PCNX1: variants seen among roughly 807,000 people sequenced by gnomAD.
PCNX1 encodes pecanex-like protein 1.
In PCNX1, 78 loss-of-function variants were observed where a neutral mutation model predicts 242.2. That is an observed-to-expected ratio of 0.32 (90% confidence interval 0.27 to 0.39). The LOEUF (loss-of-function observed/expected upper bound fraction) is 0.39, where lower values mean the gene tolerates loss of function less well. PCNX1 is among the 10% of genes least tolerant of loss of function. The pLI, the probability that PCNX1 is intolerant of heterozygous loss-of-function variation, is 1.00. For synonymous variants in PCNX1, 1,024 were observed against 1,032.9 expected (o/e 0.99, Z 0.17); for missense variants, 2,581 against 2,856.5 (o/e 0.90, Z 2.20).
intron 10 of PCNX1, chr14:71,012,339 C>T (rs895186597): frequency 1.3e-5 from 2 of 154,620 alleles, no homozygotes; most frequent in Admixed American, 6.3e-5. Flanking sequence ...TAACGATTCA[C>T]AGTAAGTGGT....
In PCNX1 at chr14:71,114,726, G is replaced by A. The variant is rs192890688; in HGVS notation, c.*4791G>A. On this transcript the variant is annotated 3_prime_UTR_variant, in exon 36 of 36. Transcript: ENST00000304743. ...TCTGTACCTGACAATTTATGATTCA[G>A]TGGAGCCAAGCTAGAAGGAACAAAG... 1 of 152,432 alleles carries A rather than the reference G, an allele frequency of 6.6e-6. No individual in the cohort carries two copies. Among genetic ancestry groups the A allele is most frequent in the East Asian group, 1.9e-4 (1 of 5,174 alleles). The allele number at this position is 152,432 out of a possible 1,614,324, so 9.4% of individuals were successfully genotyped here. A position where few individuals can be genotyped will look rare whatever the true frequency, so the allele number is the denominator to read the frequency against.
intron 6 of PCNX1, among the ~76,000 whole-genome samples, chr14:70,984,130 C>T (rs560499802): frequency 6.6e-6 from 1 of 151,324 alleles, no homozygotes; most frequent in East Asian, 1.9e-4. Flanking sequence ...AATTTAATTT[C>T]CTAATAGCAT....
At position 71,045,221 on chromosome 14, in the gene PCNX1, C is replaced by T; in HGVS notation, c.3956C>T (p.Pro1319Leu). 2 of 1,612,306 alleles carry T rather than the reference C, an allele frequency of 1.2e-6. No individual in the cohort carries two copies. The highest frequency in any genetic ancestry group is 1.7e-6 in the Non-Finnish European group (2 of 1,178,446). Residue 1319 changes from proline to leucine, a missense_variant, in exon 20 of 36, where the codon CCA becomes CTA. Physicochemically the swap from Pro to Leu is moderately conservative, Grantham distance 98. Around this residue, in one of 9 missense-constraint regions of PCNX1, gnomAD observed 432 missense variants for 443.1 expected, o/e 0.97. Coordinates refer to ENST00000304743, the MANE Select transcript of PCNX1 (RefSeq NM_014982.3). The part of the protein sequence containing the change: ...YVLPQVRKQL[P>L]WHCFSHPLLK... ...CTGCCTCAAGTTAGAAAACAGCTAC[C>T]ATGGCACTGTTTCTCTCATCCTCTG...
chr14:70,973,756 G>A (rs1245739923), intron 5 of PCNX1, among the ~76,000 whole-genome samples: 1 of 152,122 alleles, frequency 6.6e-6, no homozygotes, highest in Admixed American at 6.5e-5. Context: ...GTTTATAAAA[G>A]TAACATATAT....
Position 71,019,041 on chromosome 14 carries a change from T to A in PCNX1, c.3029T>A (p.Val1010Asp). 1 of 1,613,116 alleles carries A rather than the reference T, an allele frequency of 6.2e-7. No individual in the cohort carries two copies. Among genetic ancestry groups the A allele is most frequent in the Non-Finnish European group, 8.5e-7 (1 of 1,179,490 alleles). The part of the protein sequence containing the change: ...NREILENVLA[V>D]ILAILVAFLG... Reference sequence around the variant, plus strand: ...GAGATCCTGGAAAATGTGTTAGCTGTCATCCTGGCTATTCTCGTGGCCTTT... The same window carrying A: ...GAGATCCTGGAAAATGTGTTAGCTGACATCCTGGCTATTCTCGTGGCCTTT... The change falls in exon 12 of 36, where the codon GTC becomes GAC. Residue 1010 changes from valine (V) to aspartate (D), a missense_variant. Physicochemically the swap from Val to Asp is radical, Grantham distance 152. Transcript: ENST00000304743.
rs1395427078 is a variant in PCNX1, at chr14:70,907,651, C to A, written c.-200C>A. The A allele has an allele frequency of 1.2e-5, 6 of 483,256 alleles. No homozygotes were observed. The highest frequency in any genetic ancestry group is 1.5e-5 in the Non-Finnish European group (5 of 335,972). The allele number at this position is 483,256 out of a possible 1,614,324, so 29.9% of individuals were successfully genotyped here. A position where few individuals can be genotyped will look rare whatever the true frequency, so the allele number is the denominator to read the frequency against. On this transcript the variant is annotated 5_prime_UTR_variant, in exon 1 of 36. Coordinates refer to ENST00000304743, the MANE Select transcript of PCNX1 (RefSeq NM_014982.3). Reference sequence around the variant, plus strand: ...GCCCCGCCGCTCGCCGCCTCCTCCTCTCGGGTCTCCTCCTCCTCGTTTGCT... The same window carrying A: ...GCCCCGCCGCTCGCCGCCTCCTCCTATCGGGTCTCCTCCTCCTCGTTTGCT...
intron 1 of PCNX1, among the ~76,000 whole-genome samples, chr14:70,913,077 G>T (rs890621109): frequency 1.3e-5 from 2 of 151,480 alleles, no homozygotes; most frequent in East Asian, 3.9e-4. Context: ...TTTTTTGTTT[G>T]TTTACTTGTT....
At chr14:71,031,663 A>T in intron 16 of PCNX1, 1 of 703,128 alleles carries the variant, frequency 1.4e-6, no homozygotes. Context: ...TCTCACCGTC[A>T]GTAGGTCCTG....
intron 18 of PCNX1, among the ~76,000 whole-genome samples, chr14:71,034,416 G>A (rs1166054347): frequency 6.6e-6 from 1 of 152,086 alleles, no homozygotes; most frequent in Non-Finnish European, 1.5e-5. Context: ...CTATGTCTCT[G>A]TAAGTCATTT....
At chr14:71,096,560 A>T (rs1169702020) in intron 30 of PCNX1, among the ~76,000 whole-genome samples, 1 of 152,238 alleles carries the variant, frequency 6.6e-6, no homozygotes. Flanking sequence ...TACTCTACAA[A>T]GATGGCATTC....
Position 70,969,394 on chromosome 14 carries a change from C to T in PCNX1, c.604+284C>T, listed in dbSNP as rs1015701772. On this transcript the variant is annotated intron_variant, in intron 5 of 35. Coordinates refer to ENST00000304743, the MANE Select transcript of PCNX1 (RefSeq NM_014982.3). Reference sequence around the variant, plus strand: ...AGATGGGAGATAAGAATCTGCTATTCTTTTAGTTGGTCAGACCAACTAGCC... The same window carrying T: ...AGATGGGAGATAAGAATCTGCTATTTTTTTAGTTGGTCAGACCAACTAGCC... 3 of 286,290 alleles carry T rather than the reference C, an allele frequency of 1.0e-5. No individual in the cohort carries two copies. The South Asian group carries it at 1.4e-4, about 14-fold the overall frequency. The allele number at this position is 286,290 out of a possible 1,614,324, so 17.7% of individuals were successfully genotyped here. A position where few individuals can be genotyped will look rare whatever the true frequency, so the allele number is the denominator to read the frequency against.
chr14:70,963,174 A>G (rs984425039), intron 3 of PCNX1, among the ~76,000 whole-genome samples: 7 of 152,214 alleles, frequency 4.6e-5, no homozygotes, highest in Admixed American at 1.3e-4. Context: ...TTTCTGTTCT[A>G]GAGACAGACT....
intron 28 of PCNX1, among the ~76,000 whole-genome samples, chr14:71,087,883 CTA>C (rs1179531254): frequency 2.0e-5 from 3 of 151,992 alleles, no homozygotes; most frequent in East Asian, 1.9e-4. Flanking sequence ...TTGATTTTCA[CTA>C]TGTTTATAGT....
At chr14:71,032,076 G>T (rs762059477) in intron 16 of PCNX1, 36 of 659,428 alleles carry the variant, frequency 5.5e-5, no homozygotes, top group Non-Finnish European at 9.1e-5. Flanking sequence ...GAGAGAGAGA[G>T]AGAAAGTTTC....
intron 20 of PCNX1, 56 bp downstream of exon 20, chr14:71,045,339 A>C (rs74060563): frequency 8.2e-7 from 1 of 1,216,334 alleles, no homozygotes; most frequent in African/African-American, 1.5e-5. Context: ...TCCCTTTGCT[A>C]TATTGATAGA....
At chr14:71,105,093 T>C (rs768812189) in intron 32 of PCNX1, 142 bp from the exon 33 acceptor site, 3 of 644,810 alleles carry the variant, frequency 4.7e-6, no homozygotes, top group Non-Finnish European at 8.2e-6. Context: ...AGTTTTTTTG[T>C]TCCTAATATT....
intron 1 of PCNX1, among the ~76,000 whole-genome samples, chr14:70,924,244 A>G (rs935018372): frequency 4.0e-5 from 6 of 151,720 alleles, no homozygotes; most frequent in South Asian, 2.1e-4. Context: ...AAAAAAAAAA[A>G]AAAAAGAAAA....
intron 2 of PCNX1, among the ~76,000 whole-genome samples, chr14:70,953,590 A>G (rs116649328): frequency 1.4e-3 from 197 of 143,094 alleles, no homozygotes; most frequent in African/African-American, 4.8e-3. Context: ...ATTATCATAT[A>G]CTCTTAAATT....
At chr14:70,925,501 G>A (rs749020092) in intron 1 of PCNX1, among the ~76,000 whole-genome samples, 16 of 150,752 alleles carry the variant, frequency 1.1e-4, no homozygotes, top group South Asian at 2.1e-4. Flanking sequence ...AGTGACTTCC[G>A]GTCATTCACT....
Sources: gnomAD v4.1 joint callset for allele counts (sites outside exome capture counted in the v4.1 genomes callset) on GRCh38, gnomAD v4.1.1 for gene constraint, gnomAD v4.1.1 regional missense constraint, MANE v1.5 for transcripts, NCBI Gene and HGNC (gene_info 2026-07-23, HGNC 2026-07-21) for gene names.